CRPPA: variants seen among roughly 807,000 people sequenced by gnomAD.
CRPPA encodes the protein CDP-L-ribitol pyrophosphorylase A.
Under a neutral mutation model 52.0 loss-of-function variants are expected in CRPPA, and 43 were observed. The ratio of observed to expected loss-of-function variants is 0.83; its 90% CI spans 0.65 to 1.07. The LOEUF is 1.07. Ranked by LOEUF, CRPPA falls within the 50% of genes least tolerant of loss-of-function variation. The pLI is 0.00. For missense variants in CRPPA, 629 were observed against 551.7 expected, an observed-to-expected ratio of 1.14 and a Z score of -1.40; for synonymous variants, 250 against 203.5, an observed-to-expected ratio of 1.23 and a Z score of -1.94.
intron 2 of CRPPA, among the ~76,000 whole-genome samples, chr7:16,379,524 A>G (rs558418629): frequency 6.6e-6 from 1 of 152,282 alleles, no homozygotes; most frequent in Admixed American, 6.5e-5. Context: ...CAATTCTATG[A>G]AGAAAGTCAT....
chr7:16,249,453 G>A (rs1334455992), intron 8 of CRPPA, among the ~76,000 whole-genome samples: 5 of 152,198 alleles, frequency 3.3e-5, no homozygotes, highest in South Asian at 2.1e-4. Flanking sequence ...CCCAGTAGGG[G>A]CTGATGGACA....
chr7:16,274,800 A>C (rs1242859103), intron 6 of CRPPA, among the ~76,000 whole-genome samples: 2 of 152,320 alleles, frequency 1.3e-5, no homozygotes, highest in African/African-American at 4.8e-5. Context: ...TTTAAAAATT[A>C]TAAATGGCCA....
intron 5 of CRPPA, among the ~76,000 whole-genome samples, chr7:16,287,067 T>C (rs1453078334): frequency 1.3e-5 from 2 of 152,174 alleles, no homozygotes; most frequent in African/African-American, 2.4e-5. Flanking sequence ...CCTTTGCTTT[T>C]TATTGTGGTA....
At chr7:16,185,581 C>T (rs1781490508) in intron 9 of CRPPA, among the ~76,000 whole-genome samples, 1 of 152,142 alleles carries the variant, frequency 6.6e-6, no homozygotes, top group African/African-American at 2.4e-5. Flanking sequence ...TCTGGATAAC[C>T]AAGTTTATAC....
intron 9 of CRPPA, among the ~76,000 whole-genome samples, chr7:16,111,664 G>C (rs1227540703): frequency 6.6e-6 from 1 of 152,130 alleles, no homozygotes; most frequent in Non-Finnish European, 1.5e-5. Context: ...AAATAAGCCT[G>C]ACACAGAAGA....
chr7:16,383,467 G>A (rs537147252), intron 2 of CRPPA, among the ~76,000 whole-genome samples: 100 of 152,354 alleles, frequency 6.6e-4, no homozygotes, highest in African/African-American at 2.3e-3. Flanking sequence ...TGAGGAGGCA[G>A]TCTGCCCATT....
chr7:16,317,854 C>G (rs1401762547), intron 3 of CRPPA, among the ~76,000 whole-genome samples: 3 of 152,142 alleles, frequency 2.0e-5, no homozygotes, highest in Non-Finnish European at 2.9e-5. Context: ...CAATTTATAT[C>G]CCCACCAACA....
At chr7:16,329,844 A>C (rs537880419) in intron 3 of CRPPA, among the ~76,000 whole-genome samples, 1 of 152,344 alleles carries the variant, frequency 6.6e-6, no homozygotes, top group South Asian at 2.1e-4. Context: ...AAAAGAATAG[A>C]GGAACCATGA....
intron 9 of CRPPA, among the ~76,000 whole-genome samples, chr7:16,135,213 G>T (rs1782742250): frequency 6.6e-6 from 1 of 152,108 alleles, no homozygotes; most frequent in Admixed American, 6.6e-5. Flanking sequence ...TTTAAAACAG[G>T]ATTAATCTAA....
chr7:16,181,765 C>G (rs1246961492), intron 9 of CRPPA, among the ~76,000 whole-genome samples: 6 of 151,890 alleles, frequency 4.0e-5, no homozygotes, highest in Admixed American at 3.9e-4. Flanking sequence ...ATAACAGCCT[C>G]TAAGACACTT....
At chr7:16,109,268 C>A (rs1782213790) in intron 9 of CRPPA, among the ~76,000 whole-genome samples, 1 of 151,780 alleles carries the variant, frequency 6.6e-6, no homozygotes, top group Non-Finnish European at 1.5e-5. Flanking sequence ...GGGTAAGAGA[C>A]TACCTCAAAC....
intron 3 of CRPPA, 64 bp downstream of exon 3, chr7:16,376,028 A>G: frequency 3.4e-6 from 5 of 1,485,570 alleles, no homozygotes; most frequent in Non-Finnish European, 4.5e-6. Context: ...AAATTCTCCA[A>G]ATGTGGAGGT....
chr7:16,358,233 A>C (rs1037307059), intron 3 of CRPPA, among the ~76,000 whole-genome samples: 1 of 152,064 alleles, frequency 6.6e-6, no homozygotes, highest in Non-Finnish European at 1.5e-5. Flanking sequence ...AGGGATGGAA[A>C]CATGCCAGAA....
intron 8 of CRPPA, among the ~76,000 whole-genome samples, chr7:16,241,981 T>G (rs1554296985): frequency 2.2e-5 from 2 of 92,186 alleles, no homozygotes; most frequent in Non-Finnish European, 4.4e-5. Context: ...TGGGGGGAGA[T>G]AGAGTCTCGC....
At position 16,258,625 on chromosome 7, in the gene CRPPA, G is replaced by C. The variant is rs7776516; in HGVS notation, c.1027-143C>G. 282 of 617,886 alleles carry C rather than the reference G, an allele frequency of 4.6e-4. 1 individual carries two copies. The highest frequency in any genetic ancestry group is 4.4e-3 in the African/African-American group (231 of 52,998). The allele number at this position is 617,886 out of a possible 1,614,324, so 38.3% of individuals were successfully genotyped here. On this transcript the variant is annotated intron_variant, in intron 7 of 9. Coordinates refer to ENST00000407010, the MANE Select transcript of CRPPA (RefSeq NM_001101426.4). ...TTTTAATTTAGAAACAATTTTAAAG[G>C]ATATCCATAAAGTTATACATGTCAA...
chr7:16,371,058 C>T (rs2128311129), intron 3 of CRPPA, among the ~76,000 whole-genome samples: 1 of 152,250 alleles, frequency 6.6e-6, no homozygotes, highest in Non-Finnish European at 1.5e-5. Flanking sequence ...GATCGCTTTC[C>T]TGCTGGCCTG....
At chr7:16,200,469 C>G (rs976350430) in intron 9 of CRPPA, among the ~76,000 whole-genome samples, 2 of 152,144 alleles carry the variant, frequency 1.3e-5, no homozygotes, top group African/African-American at 2.4e-5. Flanking sequence ...CATGCATGAT[C>G]TAAATTAAAC....
chr7:16,291,125 TAAC>T (rs1487033660), intron 5 of CRPPA, among the ~76,000 whole-genome samples: 4 of 151,870 alleles, frequency 2.6e-5, no homozygotes, highest in South Asian at 4.1e-4. Context: ...ACACAAAAAA[TAAC>T]AAATGCTGCA....
intron 6 of CRPPA, among the ~76,000 whole-genome samples, chr7:16,260,020 T>C (rs761479434): frequency 1.3e-5 from 2 of 151,978 alleles, no homozygotes; most frequent in African/African-American, 4.8e-5. Context: ...AGCTCAAAGA[T>C]TTTTAAGAAA....
Sources: allele counts gnomAD v4.1 joint callset (sites outside exome capture counted in the v4.1 genomes callset), GRCh38; gene constraint gnomAD v4.1.1; transcripts MANE v1.5; gene names NCBI Gene and HGNC (gene_info 2026-07-23, HGNC 2026-07-21).